Variants in TNKS observed in about 807,000 individuals in gnomAD.
The protein encoded by TNKS is poly [ADP-ribose] polymerase tankyrase-1.
In TNKS, 72 loss-of-function variants were observed where a neutral mutation model predicts 135.8. That is an observed-to-expected ratio of 0.53 (90% confidence interval 0.44 to 0.64). The LOEUF (loss-of-function observed/expected upper bound fraction) is 0.64. Ranked by LOEUF, TNKS falls within the 30% of genes least tolerant of loss-of-function variation. The probability of loss-of-function intolerance (pLI) is 0.00; values close to 1 mark genes in which losing one functional copy is unlikely to be tolerated. For synonymous variants in TNKS, 849 were observed against 649.3 expected (o/e 1.31, Z -4.68); for missense variants, 1,769 against 1,674.0 (o/e 1.06, Z -0.99).
intron 20 of TNKS, among the ~76,000 whole-genome samples, chr8:9,753,120 CTTTAT>C (rs916988949): frequency 1.1e-4 from 16 of 152,198 alleles, no homozygotes; most frequent in South Asian, 4.1e-4. Flanking sequence ...ACAAATGAGT[CTTTAT>C]TTTATCTTTA....
chr8:9,660,249 C>T (rs1432603234), intron 3 of TNKS, among the ~76,000 whole-genome samples: 3 of 152,196 alleles, frequency 2.0e-5, no homozygotes, highest in African/African-American at 7.2e-5. Context: ...AGGCCAGCAT[C>T]ATCCTGATAC....
chr8:9,604,727 A>G (rs996073561), intron 2 of TNKS, among the ~76,000 whole-genome samples: 1 of 151,862 alleles, frequency 6.6e-6, no homozygotes, highest in Admixed American at 6.6e-5. Flanking sequence ...AATCTGTGGC[A>G]TTAGCTCTGT....
At chr8:9,616,021 A>G (rs569876988) in intron 3 of TNKS, among the ~76,000 whole-genome samples, 33 of 152,164 alleles carry the variant, frequency 2.2e-4, no homozygotes, top group Admixed American at 1.4e-3. Context: ...CATTTATATT[A>G]CTATAAAAGT....
chr8:9,766,093 A>G (rs1463289738), intron 24 of TNKS, 146 bp from the exon 25 acceptor site: 2 of 717,660 alleles, frequency 2.8e-6, no homozygotes, highest in Non-Finnish European at 4.4e-6. Flanking sequence ...GTACATTATT[A>G]TGTATAATAG....
rs749666273 is a variant in TNKS, at chr8:9,704,805, T to A, written c.1202+48T>A. 4.1e-6 allele frequency: 6 copies of A among 1,464,534 alleles called. No homozygotes were observed. The South Asian group carries it at 5.8e-5, about 14-fold the overall frequency. The allele number at this position is 1,464,534 out of a possible 1,614,324, so 90.7% of individuals were successfully genotyped here. On this transcript the variant is annotated intron_variant, in intron 6 of 26. Transcript: ENST00000310430. ...TGTCAGTGCTTTGTTTTTTGTCTGATACTCTAAACTTTTAAAACACTAGAC... is the reference window on the plus strand; with the variant it reads ...TGTCAGTGCTTTGTTTTTTGTCTGAAACTCTAAACTTTTAAAACACTAGAC...
intron 2 of TNKS, among the ~76,000 whole-genome samples, chr8:9,610,959 G>A (rs1235423325): frequency 2.6e-5 from 4 of 152,170 alleles, no homozygotes; most frequent in Non-Finnish European, 5.9e-5. Context: ...AACTTGAATA[G>A]TTTTAAAGGA....
intron 1 of TNKS, among the ~76,000 whole-genome samples, chr8:9,562,532 C>G (rs1488357201): frequency 6.6e-6 from 1 of 152,124 alleles, no homozygotes; most frequent in Non-Finnish European, 1.5e-5. Flanking sequence ...TATTCATTCA[C>G]TTTCAATCAA....
chr8:9,631,761 G>A (rs1173520227), intron 3 of TNKS, among the ~76,000 whole-genome samples: 1 of 137,864 alleles, frequency 7.3e-6, no homozygotes, highest in African/African-American at 2.8e-5. Context: ...ATGGTTGGTT[G>A]ATTTTTTTTT....
In TNKS at chr8:9,748,080, T is replaced by C. The variant is rs984061894; in HGVS notation, c.2700T>C (p.Asp900=). ...ACAACACGTGTGTAAATGCAACAGA[T>C]AAGTGGGCGTTTACTCCCCTCCATG... is the stretch of plus-strand genomic sequence containing the variant. ...IKYNTCVNAT[D]KWAFTPLHEA... Residue 900 remains aspartate, a synonymous_variant, in exon 18 of 27, where the codon GAT becomes GAC. Coordinates refer to ENST00000310430, the MANE Select transcript of TNKS (RefSeq NM_003747.3). 6.2e-7 allele frequency: 1 copy of C among 1,613,846 alleles called. No individual in the cohort carries two copies. Among genetic ancestry groups the C allele is most frequent in the African/African-American group, 1.3e-5 (1 of 75,010 alleles).
At chr8:9,690,578 G>C (rs1301468787) in intron 5 of TNKS, among the ~76,000 whole-genome samples, 1 of 152,100 alleles carries the variant, frequency 6.6e-6, no homozygotes, top group Non-Finnish European at 1.5e-5. Flanking sequence ...TGGCCAACAT[G>C]GTAAAACCCT....
At chr8:9,725,001 G>T (rs999413899) in intron 12 of TNKS, among the ~76,000 whole-genome samples, 1 of 152,074 alleles carries the variant, frequency 6.6e-6, no homozygotes, top group Non-Finnish European at 1.5e-5. Flanking sequence ...TTGTTGAAAT[G>T]AAAAACTAAA....
chr8:9,657,303 C>G (rs1425882210), intron 3 of TNKS, among the ~76,000 whole-genome samples: 6 of 73,894 alleles, frequency 8.1e-5, no homozygotes, highest in Non-Finnish European at 1.2e-4. Flanking sequence ...GGGGGGCCGA[C>G]CCCCCCACCT....
intron 3 of TNKS, among the ~76,000 whole-genome samples, chr8:9,667,432 G>C (rs765466214): frequency 1.4e-4 from 21 of 152,338 alleles, no homozygotes; most frequent in Admixed American, 5.2e-4. Context: ...CCCTGGATGC[G>C]TAAGCCTACT....
intron 2 of TNKS, among the ~76,000 whole-genome samples, chr8:9,611,895 G>A (rs554072796): frequency 6.6e-6 from 1 of 152,270 alleles, no homozygotes; most frequent in African/African-American, 2.4e-5. Flanking sequence ...AAAGAGTTAA[G>A]ATAAATGAAA....
At chr8:9,775,706 T>C (rs895988225) in intron 26 of TNKS, among the ~76,000 whole-genome samples, 4 of 151,840 alleles carry the variant, frequency 2.6e-5, no homozygotes, top group African/African-American at 9.7e-5. Context: ...TTACTTATCT[T>C]TCTTTCCTTT....
chr8:9,588,877 C>T (rs1349167911), intron 2 of TNKS, among the ~76,000 whole-genome samples: 1 of 152,094 alleles, frequency 6.6e-6, no homozygotes, highest in African/African-American at 2.4e-5. Flanking sequence ...ATATTGAAAC[C>T]CCATAGCCTT....
At chr8:9,761,481 A>G in intron 20 of TNKS, 35 bp from the exon 21 acceptor site, 2 of 1,610,074 alleles carry the variant, frequency 1.2e-6, no homozygotes, top group Non-Finnish European at 1.7e-6. Context: ...AAGAACTGTT[A>G]AAGATATCCT....
intron 3 of TNKS, among the ~76,000 whole-genome samples, chr8:9,649,621 C>A (rs1266051985): frequency 6.7e-6 from 1 of 150,336 alleles, no homozygotes; most frequent in Non-Finnish European, 1.5e-5. Flanking sequence ...ATCCCTCATC[C>A]CCCTCTCACC....
At chr8:9,745,650 T>C (rs572183245) in intron 17 of TNKS, among the ~76,000 whole-genome samples, 1 of 152,234 alleles carries the variant, frequency 6.6e-6, no homozygotes, top group South Asian at 2.1e-4. Context: ...AATGATCTGC[T>C]GGCCTCGGCC....
Sources: allele counts gnomAD v4.1 joint callset (sites outside exome capture counted in the v4.1 genomes callset), GRCh38; gene constraint gnomAD v4.1.1; transcripts MANE v1.5; gene names NCBI Gene and HGNC (gene_info 2026-07-23, HGNC 2026-07-21).